Variants in HOMEZ observed in about 807,000 individuals in gnomAD.
HOMEZ encodes homeobox and leucine zipper protein Homez.
In HOMEZ, 20 loss-of-function variants were observed where a neutral mutation model predicts 50.1. The ratio of observed to expected loss-of-function variants is 0.40; its 90% CI spans 0.28 to 0.58. HOMEZ has a LOEUF of 0.58. Among genes scored for constraint, HOMEZ ranks in the 20% least tolerant of loss-of-function variants. The pLI, the probability that HOMEZ is intolerant of heterozygous loss-of-function variation, is 0.46. For synonymous variants in HOMEZ, 239 were observed against 254.7 expected, an observed-to-expected ratio of 0.94 and a Z score of 0.59; for missense variants, 579 against 680.5, an observed-to-expected ratio of 0.85 and a Z score of 1.66.
At chr14:23,283,973 A>G (rs1056619175) in intron 1 of HOMEZ, among the ~76,000 whole-genome samples, 1 of 152,170 alleles carries the variant, frequency 6.6e-6, no homozygotes, top group Non-Finnish European at 1.5e-5. Context: ...AGACAATCTG[A>G]AGCACTCCTG....
chr14:23,272,817 C>T lies in HOMEZ; in HGVS notation c.*2758G>A. On this transcript the variant is annotated 3_prime_UTR_variant, in exon 2 of 2. Transcript: ENST00000357460. ...CCCACATCTACCTTCTTGTCCTCTGCTGCAGACTCTCTACCAACAACGGAG... is the reference window on the plus strand; with the variant it reads ...CCCACATCTACCTTCTTGTCCTCTGTTGCAGACTCTCTACCAACAACGGAG... The T allele has an allele frequency of 6.5e-7, 1 of 1,545,654 alleles. No homozygotes were observed. The highest frequency in any genetic ancestry group is 8.7e-7 in the Non-Finnish European group (1 of 1,142,994).
chr14:23,273,492 C>A lies in HOMEZ; in HGVS notation c.*2083G>T, dbSNP rs1886259100. 6.6e-6 allele frequency: 1 copy of A among 152,192 alleles called. No homozygotes were observed. Among genetic ancestry groups the A allele is most frequent in the South Asian group, 2.1e-4 (1 of 4,838 alleles). 9.4% of individuals were successfully genotyped at this position (152,192 alleles called of 1,614,324 possible). ...TATTGCTACAATTCTATCACTTTTA[C>A]AAGCTCTAGAATGGTGGAATGGGCG... On this transcript the variant is annotated 3_prime_UTR_variant, in exon 2 of 2. Transcript: ENST00000357460.
rs956260063 is a variant in HOMEZ, at chr14:23,274,252, G to A, written c.*1323C>T. On this transcript the variant is annotated 3_prime_UTR_variant, in exon 2 of 2. Transcript: ENST00000357460. Reference sequence around the variant, plus strand: ...CCCTAAGACAGATCCTATCAAGAGAGGGAAAAGTCTCTTTTCTGGAAACAA... The same window carrying A: ...CCCTAAGACAGATCCTATCAAGAGAAGGAAAAGTCTCTTTTCTGGAAACAA... 2.0e-5 allele frequency: 3 copies of A among 152,524 alleles called. No individual in the cohort carries two copies. Among genetic ancestry groups the A allele is most frequent in the Non-Finnish European group, 4.4e-5 (3 of 68,024 alleles). 9.4% of individuals were successfully genotyped at this position (152,524 alleles called of 1,614,324 possible).
Position 23,277,185 on chromosome 14 carries a change from T to G in HOMEZ, c.43A>C (p.Ile15Leu). Residue 15 changes from isoleucine (I) to leucine (L), a missense_variant and splice_region_variant, in exon 2 of 2, where the codon ATC becomes CTC. By Grantham distance (5) the Ile-to-Leu change is conservative. Transcript: ENST00000357460. ...CCTTCTGATTTGTGCCCTTCAGAGA[T>G]AGCTGCAATAAGAAGACAAACAGCT... is the stretch of plus-strand genomic sequence containing the variant. The part of the protein sequence containing the change: ...WEPPPGLDCA[I>L]SEGHKSEGTM... The G allele has an allele frequency of 1.9e-6, 3 of 1,551,364 alleles. No individual in the cohort carries two copies. The East Asian group carries it at 7.1e-5, about 36-fold the overall frequency.
In HOMEZ at chr14:23,286,095, A is replaced by C; in HGVS notation, c.-143T>G. 8.1e-7 allele frequency: 1 copy of C among 1,230,210 alleles called. No homozygotes were observed. Among genetic ancestry groups the C allele is most frequent in the Non-Finnish European group, 1.0e-6 (1 of 987,042 alleles). 76.2% of individuals were successfully genotyped at this position (1,230,210 alleles called of 1,614,324 possible). On this transcript the variant is annotated 5_prime_UTR_variant, in exon 1 of 2. Transcript: ENST00000357460. ...ACCGTCCCCGGGAGCGCGCCGGTCT[A>C]CCCAGCCCTGCTCGAGCAAGTTGGA... is the stretch of plus-strand genomic sequence containing the variant.
At chr14:23,280,704 T>TTTTATTATTTA (rs1555323526) in intron 1 of HOMEZ, among the ~76,000 whole-genome samples, 1 of 86,522 alleles carries the variant, frequency 1.2e-5, no homozygotes, top group African/African-American at 3.7e-5. Context: ...TATTTTTATA[T>TTTTATTATTTA]TTTTATTTTT....
Position 23,276,198 on chromosome 14 carries a change from C to G in HOMEZ, c.1030G>C (p.Val344Leu), listed in dbSNP as rs371045969. The change falls in exon 2 of 2, where the codon GTT (valine) becomes CTT (leucine). Residue 344 changes from valine to leucine, a missense_variant. Transcript: ENST00000357460. This position sits in a 1 kb window ranked among gnomAD's most constrained non-coding sequence, Gnocchi z 4.1. ...GGGGAAAGGTACTCTGTGGGGCCAACTCTACCTGGTACTGAGTTATGCCGT... is the reference window on the plus strand; with the variant it reads ...GGGGAAAGGTACTCTGTGGGGCCAAGTCTACCTGGTACTGAGTTATGCCGT... ...GLRHNSVPGR[V>L]GPTEYLSPDM... The G allele has an allele frequency of 6.2e-7, 1 of 1,613,988 alleles. No individual in the cohort carries two copies. Among genetic ancestry groups the G allele is most frequent in the Middle Eastern group, 1.6e-4 (1 of 6,062 alleles).
Position 23,277,036 on chromosome 14 carries a change from T to C in HOMEZ, c.192A>G (p.Leu64=). Residue 64 remains leucine (L), a synonymous_variant, in exon 2 of 2, where the codon CTA becomes CTG. Transcript: ENST00000357460. The stretch of plus-strand genomic sequence containing the variant: ...TTTTGAGCAGGTGTTCATTGCTGTC[T>C]AGCTCACTGGTCTGGGCTGCTTGCG... ...VWTQAAQTSE[L]DSNEHLLKTF... is the part of the protein sequence containing the mutation. 6.2e-7 allele frequency: 1 copy of C among 1,614,052 alleles called. No homozygotes were observed. Among genetic ancestry groups the C allele is most frequent in the Non-Finnish European group, 8.5e-7 (1 of 1,179,900 alleles).
In HOMEZ at chr14:23,273,146, C is replaced by G. The variant is rs76297481; in HGVS notation, c.*2429G>C. ...AGACACTGGTAGCTCCCCTCATTTC[C>G]TACAATTTGGAACAAAGGTCAAAAA... On this transcript the variant is annotated 3_prime_UTR_variant, in exon 2 of 2. Coordinates refer to ENST00000357460, the MANE Select transcript of HOMEZ (RefSeq NM_020834.3). 1.8e-3 allele frequency: 567 copies of G among 309,520 alleles called. 4 individuals carry two copies. The highest frequency in any genetic ancestry group is 0.011 in the African/African-American group (507 of 46,158). 19.2% of individuals were successfully genotyped at this position (309,520 alleles called of 1,614,324 possible). A position where few individuals can be genotyped will look rare whatever the true frequency, so the allele number is the denominator to read the frequency against.
rs1308761803 is a variant in HOMEZ at position 23,286,018 on chromosome 14, C to A, written c.-66G>T. ...GTGGGAGTGGGGTTGCTGCCCGGTG[C>A]GGCCGCTCCGAGCCCACCCCAGCGA... is the stretch of plus-strand genomic sequence containing the variant. On this transcript the variant is annotated 5_prime_UTR_variant, in exon 1 of 2. Transcript: ENST00000357460. 3 of 1,233,098 alleles carry A rather than the reference C, an allele frequency of 2.4e-6. No individual in the cohort carries two copies. The highest frequency in any genetic ancestry group is 3.0e-6 in the Non-Finnish European group (3 of 986,810). The allele number at this position is 1,233,098 out of a possible 1,614,324, so 76.4% of individuals were successfully genotyped here. A position where few individuals can be genotyped will look rare whatever the true frequency, so the allele number is the denominator to read the frequency against.
chr14:23,275,858 G>C lies in HOMEZ; in HGVS notation c.1370C>G (p.Pro457Arg). The change falls in exon 2 of 2, where the codon CCT becomes CGT. Residue 457 changes from proline to arginine, a missense_variant. By Grantham distance (103) the Pro-to-Arg change is moderately radical. Coordinates refer to ENST00000357460, the MANE Select transcript of HOMEZ (RefSeq NM_020834.3). The stretch of plus-strand genomic sequence containing the variant: ...GGGTTGTATATCCGGTGGGGGTGGA[G>C]GGATCGGCAGAGGTGGTGTCTCAGC... ...ERAETPPLPI[P>R]PPPPDIQPLE... 6.3e-7 allele frequency: 1 copy of C among 1,597,582 alleles called. No homozygotes were observed. Among genetic ancestry groups the C allele is most frequent in the Non-Finnish European group, 8.5e-7 (1 of 1,170,868 alleles).
intron 1 of HOMEZ, among the ~76,000 whole-genome samples, chr14:23,280,266 C>G (rs556235941): frequency 6.6e-6 from 1 of 152,252 alleles, no homozygotes; most frequent in East Asian, 1.9e-4. Flanking sequence ...TTTCCTCCTC[C>G]AAGTCAGCCT....
At chr14:23,280,836 C>T (rs560044997) in intron 1 of HOMEZ, among the ~76,000 whole-genome samples, 10 of 146,132 alleles carry the variant, frequency 6.8e-5, no homozygotes, top group Non-Finnish European at 8.9e-5. Flanking sequence ...TGCAGTGGCA[C>T]GATCTTGGCT....
intron 1 of HOMEZ, among the ~76,000 whole-genome samples, chr14:23,277,617 G>C (rs959144160): frequency 1.3e-5 from 2 of 151,994 alleles, no homozygotes; most frequent in South Asian, 2.1e-4. Flanking sequence ...ATGGTGGTTC[G>C]TGCCTGTCGT....
At position 23,280,727 on chromosome 14, in the gene HOMEZ, TTTATTTTATTTTA is replaced by T. The variant is rs1357393909; in HGVS notation, c.41-3553_41-3541del. Among the ~76,000 whole-genome samples, 126 of 67,470 alleles carry T rather than the reference TTTATTTTATTTTA, an allele frequency of 1.9e-3. 17 individuals carry two copies. The highest frequency in any genetic ancestry group is 6.5e-3 in the African/African-American group (107 of 16,484). The allele number at this position is 67,470 out of a possible 152,430, so 44.3% of individuals were successfully genotyped here. Reference sequence around the variant, plus strand: ...TATTTTTATTTTTATTTTATTTTATTTTATTTTATTTTATTATTTTATTTTATTTTATTTTATT... The same window carrying T: ...TATTTTTATTTTTATTTTATTTTATTTTATTTTATTTTATTTTATTTTATT... On this transcript the variant is annotated intron_variant, in intron 1 of 1. Coordinates refer to ENST00000357460, the MANE Select transcript of HOMEZ (RefSeq NM_020834.3).
At chr14:23,279,444 A>G (rs1886439779) in intron 1 of HOMEZ, among the ~76,000 whole-genome samples, 1 of 152,088 alleles carries the variant, frequency 6.6e-6, no homozygotes, top group Admixed American at 6.5e-5. Flanking sequence ...TAATTTAAAG[A>G]GAGTGACCGG....
At position 23,275,295 on chromosome 14, in the gene HOMEZ, G is replaced by C. The variant is rs1886316308; in HGVS notation, c.*280C>G. On this transcript the variant is annotated 3_prime_UTR_variant, in exon 2 of 2. Transcript: ENST00000357460. ...AAAACAGCAGACACGAGGAGAGCAAGAGCAGCTTCCCAGCCCATGGTTTCC... is the reference window on the plus strand; with the variant it reads ...AAAACAGCAGACACGAGGAGAGCAACAGCAGCTTCCCAGCCCATGGTTTCC... The C allele has an allele frequency of 2.2e-6, 1 of 452,488 alleles. No homozygotes were observed. Among genetic ancestry groups the C allele is most frequent in the African/African-American group, 2.0e-5 (1 of 49,490 alleles). The allele number at this position is 452,488 out of a possible 1,614,324, so 28.0% of individuals were successfully genotyped here.
chr14:23,282,806 A>G (rs188496034), intron 1 of HOMEZ, among the ~76,000 whole-genome samples: 4 of 152,236 alleles, frequency 2.6e-5, no homozygotes, highest in Non-Finnish European at 5.9e-5. Context: ...AGTGTAACAT[A>G]CAGTACTGCA....
chr14:23,285,611 A>C (rs903891066), intron 1 of HOMEZ: 1 of 326,576 alleles, frequency 3.1e-6, no homozygotes. Context: ...AAGGCTCCGA[A>C]CTGGGTCAGG....
Sources: allele counts gnomAD v4.1 joint callset (sites outside exome capture counted in the v4.1 genomes callset), GRCh38; gene constraint gnomAD v4.1.1; non-coding constraint Gnocchi (gnomAD v3.1); transcripts MANE v1.5; gene names NCBI Gene and HGNC (gene_info 2026-07-23, HGNC 2026-07-21).